Variants in LOXHD1 observed in about 807,000 individuals in gnomAD.
LOXHD1 encodes the protein lipoxygenase homology domain-containing protein 1.
In LOXHD1, 205 loss-of-function variants were observed where a neutral mutation model predicts 248.2. The ratio of observed to expected loss-of-function variants is 0.83; its 90% confidence interval spans 0.74 to 0.93. LOXHD1 has a LOEUF of 0.93. Ranked by LOEUF, LOXHD1 falls within the 40% of genes least tolerant of loss-of-function variation. The pLI, the probability that LOXHD1 is intolerant of heterozygous loss-of-function variation, is 0.00. For synonymous variants in LOXHD1, 1,113 were observed against 1,162.8 expected, an observed-to-expected ratio of 0.96 and a Z score of 0.87; for missense variants, 2,930 against 2,971.6, an observed-to-expected ratio of 0.99 and a Z score of 0.33.
chr18:46,546,837 T>TA, intron 22 of LOXHD1, 58 bp downstream of exon 22: 5 of 1,509,590 alleles, frequency 3.3e-6, no homozygotes, highest in Non-Finnish European at 4.5e-6. Context: ...GACTTAGGGT[T>TA]AGGGAGAGGC....
chr18:46,502,240 T>A (rs2034277063), intron 37 of LOXHD1, among the ~76,000 whole-genome samples: 1 of 152,156 alleles, frequency 6.6e-6, no homozygotes, highest in East Asian at 1.9e-4. Context: ...TTTACTTTCC[T>A]AGATGGTTTG....
intron 5 of LOXHD1, among the ~76,000 whole-genome samples, chr18:46,617,772 T>C (rs956636009): frequency 1.3e-5 from 2 of 152,158 alleles, no homozygotes; most frequent in African/African-American, 2.4e-5. Context: ...CAAATTGTAT[T>C]CCCAGCCTCA....
At chr18:46,541,502 G>GCATGCT (rs1160465763) in intron 25 of LOXHD1, among the ~76,000 whole-genome samples, 10 of 152,218 alleles carry the variant, frequency 6.6e-5, no homozygotes, top group Non-Finnish European at 1.3e-4. Context: ...CTGCAGATGA[G>GCATGCT]GAATCTGAAC....
intron 37 of LOXHD1, among the ~76,000 whole-genome samples, chr18:46,497,495 G>A (rs907411634): frequency 1.3e-5 from 2 of 152,126 alleles, no homozygotes; most frequent in Non-Finnish European, 2.9e-5. Flanking sequence ...TGGCATTGGA[G>A]GACTTAGTCA....
intron 25 of LOXHD1, 130 bp from the exon 26 acceptor site, chr18:46,538,467 G>C: frequency 1.1e-6 from 1 of 908,696 alleles, no homozygotes; most frequent in Non-Finnish European, 1.7e-6. Context: ...CCGGGGAACT[G>C]CTGCTCAGGG....
intron 4 of LOXHD1, among the ~76,000 whole-genome samples, chr18:46,636,334 C>A (rs935580422): frequency 6.3e-4 from 96 of 152,304 alleles, no homozygotes; most frequent in African/African-American, 2.2e-3. Context: ...AGTCCTGGTG[C>A]CCCCCAGCTC....
At chr18:46,578,552 T>C (rs2037902807) in intron 13 of LOXHD1, among the ~76,000 whole-genome samples, 1 of 152,190 alleles carries the variant, frequency 6.6e-6, no homozygotes, top group Admixed American at 6.5e-5. Context: ...CAGATTATTT[T>C]TTGCCACTGC....
intron 28 of LOXHD1, 59 bp from the exon 29 acceptor site, chr18:46,529,390 A>C: frequency 6.8e-7 from 1 of 1,481,188 alleles, no homozygotes; most frequent in African/African-American, 1.4e-5. Context: ...ACAGCGCTTT[A>C]GGTCTTGAGG....
chr18:46,654,395 A>C (rs1403435983), intron 1 of LOXHD1, among the ~76,000 whole-genome samples: 1 of 152,160 alleles, frequency 6.6e-6, no homozygotes, highest in Non-Finnish European at 1.5e-5. Flanking sequence ...GCAGGAGAGG[A>C]GATGCCTCCG....
At chr18:46,596,697 T>C (rs1056401946) in intron 8 of LOXHD1, among the ~76,000 whole-genome samples, 1 of 152,028 alleles carries the variant, frequency 6.6e-6, no homozygotes, top group African/African-American at 2.4e-5. Context: ...CAAATAGTAA[T>C]AAATGCACAT....
intron 2 of LOXHD1, among the ~76,000 whole-genome samples, chr18:46,648,143 A>G (rs1158320579): frequency 6.6e-6 from 1 of 152,172 alleles, no homozygotes; most frequent in Non-Finnish European, 1.5e-5. Context: ...CTGTAGTTCC[A>G]GCTACTCCGG....
chr18:46,485,282 G>T, intron 38 of LOXHD1, 131 bp from the exon 39 acceptor site: 1 of 1,004,446 alleles, frequency 1.0e-6, no homozygotes, highest in Non-Finnish European at 1.4e-6. Flanking sequence ...GGGGAGGCAG[G>T]TTAAAAGCAC....
intron 6 of LOXHD1, among the ~76,000 whole-genome samples, chr18:46,608,045 G>GAAGGAAGGAAAC (rs1388950213): frequency 1.1e-4 from 16 of 146,214 alleles, no homozygotes; most frequent in East Asian, 1.0e-3. Context: ...GGGAAGGAAG[G>GAAGGAAGGAAAC]AAGGAAGGAA....
At chr18:46,570,787 T>C (rs1310677823) in intron 15 of LOXHD1, among the ~76,000 whole-genome samples, 3 of 152,232 alleles carry the variant, frequency 2.0e-5, no homozygotes, top group Non-Finnish European at 4.4e-5. Flanking sequence ...TAAGAAAGTT[T>C]ACAAATTTGT....
At chr18:46,570,292 T>C (rs963550402) in intron 15 of LOXHD1, among the ~76,000 whole-genome samples, 5 of 151,986 alleles carry the variant, frequency 3.3e-5, no homozygotes, top group Non-Finnish European at 5.9e-5. Flanking sequence ...GAGGAAAAGG[T>C]GAGTCCTGGA....
At chr18:46,560,012 C>T (rs1427581541) in intron 19 of LOXHD1, 71 bp downstream of exon 19, 35 of 1,480,650 alleles carry the variant, frequency 2.4e-5, no homozygotes, top group Non-Finnish European at 2.7e-5. Context: ...GCCCCCTGCC[C>T]CCAGTGGGCC....
intron 2 of LOXHD1, among the ~76,000 whole-genome samples, chr18:46,647,595 C>T (rs2039048597): frequency 6.6e-6 from 1 of 152,206 alleles, no homozygotes; most frequent in Non-Finnish European, 1.5e-5. Flanking sequence ...TTACCGTGCC[C>T]ACATCATCGG....
rs577447248 is a variant in LOXHD1 at position 46,499,747 on chromosome 18, T to G, written c.5878+6091A>C. Among the ~76,000 whole-genome samples, 4 of 152,316 alleles carry G rather than the reference T, an allele frequency of 2.6e-5. No individual in the cohort carries two copies. The South Asian group carries it at 8.3e-4, about 32-fold the overall frequency. Reference sequence around the variant, plus strand: ...CATAAATCCACAAATTACACAAAGCTGTTCATCTCCCCTTCCTTTCTCCCT... The same window carrying G: ...CATAAATCCACAAATTACACAAAGCGGTTCATCTCCCCTTCCTTTCTCCCT... On this transcript the variant is annotated intron_variant, in intron 37 of 40. Coordinates refer to ENST00000642948, the MANE Select transcript of LOXHD1 (RefSeq NM_001384474.1).
rs1416571809 is a variant in LOXHD1 at position 46,533,188 on chromosome 18, T to C, written c.4349A>G (p.Tyr1450Cys). Residue 1450 changes from tyrosine to cysteine, a missense_variant, in exon 28 of 41, where the codon TAC (tyrosine) becomes TGC (cysteine). Physicochemically the swap from Tyr to Cys is radical, Grantham distance 194. Coordinates refer to ENST00000642948, the MANE Select transcript of LOXHD1 (RefSeq NM_001384474.1). ...GTCCAGAGGCTCTTCTACTTCCTTG[T>C]AGACTTGCCGTAAGGACCCATCTTT... The part of the protein sequence containing the change: ...YMKDGSLRQV[Y>C]KEVEEPLDIV... 2.6e-6 allele frequency: 4 copies of C among 1,551,622 alleles called. No individual in the cohort carries two copies. The highest frequency in any genetic ancestry group is 1.4e-5 in the African/African-American group (1 of 73,062).
Sources: allele counts gnomAD v4.1 joint callset (sites outside exome capture counted in the v4.1 genomes callset), GRCh38; gene constraint gnomAD v4.1.1; transcripts MANE v1.5; gene names NCBI Gene and HGNC (gene_info 2026-07-23, HGNC 2026-07-21).